Variants in MS4A4A observed in about 807,000 individuals in gnomAD.
MS4A4A encodes membrane spanning 4-domains A4A.
A neutral mutation model predicts 28.0 loss-of-function variants in MS4A4A; 26 were observed. That is an observed-to-expected ratio of 0.93 (90% CI 0.68 to 1.29). The LOEUF is 1.29. MS4A4A is among the 50% of genes most tolerant of loss of function. The probability of loss-of-function intolerance (pLI) is 0.00; values close to 1 mark genes in which losing one functional copy is unlikely to be tolerated. For missense variants in MS4A4A, 290 were observed against 293.1 expected (o/e 0.99, Z 0.08); for synonymous variants, 86 against 100.8 (o/e 0.85, Z 0.88).
rs777663636 is a variant in MS4A4A, at chr11:60,282,573, G to A, written c.41+1857G>A. ...GTGAGAAGATTAGATGATGTGGTGG[G>A]TTTGTTTTTGTTCTTACAAGGTGGT... On this transcript the variant is annotated intron_variant, in intron 1 of 6. Transcript: ENST00000337908. 26 of 1,282,222 alleles carry A rather than the reference G, an allele frequency of 2.0e-5. No individual in the cohort carries two copies. The Middle Eastern group carries it at 6.4e-4, about 32-fold the overall frequency. 79.4% of individuals were successfully genotyped at this position (1,282,222 alleles called of 1,614,324 possible). A position where few individuals can be genotyped will look rare whatever the true frequency, so the allele number is the denominator to read the frequency against.
chr11:60,291,874 G>T (rs2084860100), intron 1 of MS4A4A, among the ~76,000 whole-genome samples: 1 of 151,792 alleles, frequency 6.6e-6, no homozygotes, highest in Non-Finnish European at 1.5e-5. Context: ...AAGGGATTAG[G>T]CAGTAAGAGG....
At chr11:60,304,574 T>G (rs10792262) in intron 5 of MS4A4A, among the ~76,000 whole-genome samples, 99,899 of 152,068 alleles carry the variant, frequency 0.66, 33,635 homozygotes, top group Admixed American at 0.74. Flanking sequence ...ACCTGCACAA[T>G]CAGTCCACAG....
chr11:60,284,547 CT>C (rs1027467423), intron 1 of MS4A4A, among the ~76,000 whole-genome samples: 6 of 152,200 alleles, frequency 3.9e-5, no homozygotes, highest in African/African-American at 1.4e-4. Context: ...CTCTTCCTCT[CT>C]TTTGCAGTTT....
chr11:60,298,318 C>T (rs1361804404), intron 3 of MS4A4A, among the ~76,000 whole-genome samples: 1 of 152,112 alleles, frequency 6.6e-6, no homozygotes, highest in Non-Finnish European at 1.5e-5. Context: ...TATAGAAGAG[C>T]TTGCTTTTTG....
chr11:60,302,521 G>A, intron 4 of MS4A4A, 38 bp from the exon 5 acceptor site: 4 of 1,602,882 alleles, frequency 2.5e-6, no homozygotes. Flanking sequence ...ATCTGAGGAT[G>A]TTGTTGGATT....
intron 4 of MS4A4A, 42 bp downstream of exon 4, chr11:60,301,099 A>T (rs1280627735): frequency 1.4e-6 from 2 of 1,453,542 alleles, no homozygotes; most frequent in Middle Eastern, 1.9e-4. Context: ...AAAAGGAAGG[A>T]TTAATAAAAA....
chr11:60,301,845 T>C (rs2084955654), intron 4 of MS4A4A, among the ~76,000 whole-genome samples: 1 of 152,244 alleles, frequency 6.6e-6, no homozygotes, highest in Non-Finnish European at 1.5e-5. Context: ...AATGGCGTGA[T>C]CTCGGCTCAC....
At chr11:60,299,462 T>TTTTTTGG in intron 3 of MS4A4A, among the ~76,000 whole-genome samples, 1 of 150,402 alleles carries the variant, frequency 6.6e-6, no homozygotes, top group African/African-American at 2.4e-5. Context: ...TTTTTTTTTT[T>TTTTTTGG]TTTTTGGTTT....
intron 1 of MS4A4A, among the ~76,000 whole-genome samples, chr11:60,286,833 C>A (rs566198644): frequency 6.6e-6 from 1 of 152,182 alleles, no homozygotes; most frequent in African/African-American, 2.4e-5. Context: ...TCCAGCCGCT[C>A]TTTGACTTTT....
chr11:60,297,082 G>A (rs2084911596), intron 2 of MS4A4A, 115 bp from the exon 3 acceptor site: 1 of 1,224,360 alleles, frequency 8.2e-7, no homozygotes, highest in Non-Finnish European at 1.2e-6. Context: ...TACTAAGAAG[G>A]TCATATGACT....
chr11:60,304,331 G>A (rs1214136210), intron 5 of MS4A4A, among the ~76,000 whole-genome samples: 1 of 152,188 alleles, frequency 6.6e-6, no homozygotes, highest in East Asian at 1.9e-4. Context: ...AGTTAAAAGA[G>A]CCCTGTGCTT....
At chr11:60,301,112 G>A (rs1045910681) in intron 4 of MS4A4A, 55 bp downstream of exon 4, 4 of 1,359,596 alleles carry the variant, frequency 2.9e-6, no homozygotes, top group African/African-American at 3.0e-5. Context: ...AATAAAAAAT[G>A]TATTCTGCCA....
At chr11:60,297,816 A>G (rs2084919646) in intron 3 of MS4A4A, among the ~76,000 whole-genome samples, 1 of 152,156 alleles carries the variant, frequency 6.6e-6, no homozygotes, top group Non-Finnish European at 1.5e-5. Context: ...ATCAAGATTT[A>G]CCTCTGTAGC....
At chr11:60,285,235 G>A (rs554278676) in intron 1 of MS4A4A, among the ~76,000 whole-genome samples, 19 of 152,272 alleles carry the variant, frequency 1.2e-4, no homozygotes, top group African/African-American at 4.6e-4. Flanking sequence ...TGGGCATGGT[G>A]GCTCACTCTT....
At chr11:60,287,183 TTTG>T (rs1424378556) in intron 1 of MS4A4A, among the ~76,000 whole-genome samples, 1 of 152,230 alleles carries the variant, frequency 6.6e-6, no homozygotes, top group Non-Finnish European at 1.5e-5. Flanking sequence ...TTTTGATATC[TTTG>T]TTTTCTGCTG....
intron 1 of MS4A4A, among the ~76,000 whole-genome samples, chr11:60,285,706 T>A (rs2084797919): frequency 6.6e-6 from 1 of 151,958 alleles, no homozygotes; most frequent in South Asian, 2.1e-4. Flanking sequence ...AGACGAGGAA[T>A]GTACAAATAG....
Position 60,308,093 on chromosome 11 carries a change from T to C in MS4A4A, c.649-14T>C. On this transcript the variant is annotated splice_polypyrimidine_tract_variant and intron_variant, in intron 6 of 6. Coordinates refer to ENST00000337908, the MANE Select transcript of MS4A4A (RefSeq NM_148975.3). The stretch of plus-strand genomic sequence containing the variant: ...TTTGGGTGACTCACCTTTGGCATTC[T>C]GATTGTTTCACAGGTTGTGTTAATT... The C allele has an allele frequency of 6.2e-7, 1 of 1,613,706 alleles. No individual in the cohort carries two copies. The highest frequency in any genetic ancestry group is 1.7e-4 in the Middle Eastern group (1 of 6,058).
chr11:60,305,613 T>G (rs562848930), intron 5 of MS4A4A: 1 of 153,846 alleles, frequency 6.5e-6, no homozygotes, highest in South Asian at 2.0e-4. Flanking sequence ...TTATATCAGC[T>G]AATAAGCAAT....
chr11:60,293,646 C>T (rs774877441), intron 2 of MS4A4A, among the ~76,000 whole-genome samples: 15 of 152,248 alleles, frequency 9.9e-5, no homozygotes, highest in Non-Finnish European at 1.9e-4. Flanking sequence ...CCACCAATCC[C>T]TGGCAACCAC....
Sources: gnomAD v4.1 joint callset for allele counts (sites outside exome capture counted in the v4.1 genomes callset) on GRCh38, gnomAD v4.1.1 for gene constraint, MANE v1.5 for transcripts, NCBI Gene and HGNC (gene_info 2026-07-23, HGNC 2026-07-21) for gene names.